Variants in CHAT observed in about 807,000 individuals in gnomAD.
CHAT encodes choline O-acetyltransferase.
Under a neutral mutation model 76.9 loss-of-function variants are expected in CHAT, and 61 were observed. That is an observed-to-expected ratio of 0.79 (90% CI 0.65 to 0.98). The LOEUF (loss-of-function observed/expected upper bound fraction) is 0.98, where lower values mean the gene tolerates loss of function less well. Ranked by LOEUF, CHAT falls within the 50% of genes least tolerant of loss-of-function variation. The probability of loss-of-function intolerance (pLI) is 0.00; values close to 1 mark genes in which losing one functional copy is unlikely to be tolerated. For missense variants in CHAT, 946 were observed against 986.9 expected (o/e 0.96, Z 0.56); for synonymous variants, 407 against 397.4 (o/e 1.02, Z -0.29).
chr10:49,619,657 G>T, intron 2 of CHAT, 68 bp from the exon 3 acceptor site: 1 of 1,496,476 alleles, frequency 6.7e-7, no homozygotes. Context: ...AGATACTAGG[G>T]ACCAACTTGG....
chr10:49,610,597 T>C (rs896327353), upstream of CHAT: 3 of 734,602 alleles, frequency 4.1e-6, no homozygotes. Context: ...CGCTGGGCCA[T>C]GAGCTCCGCG....
chr10:49,619,614 A>G lies in CHAT; in HGVS notation c.388-111A>G, dbSNP rs373271319. 17 of 1,069,124 alleles carry G rather than the reference A, an allele frequency of 1.6e-5. No individual in the cohort carries two copies. The African/African-American group carries it at 1.9e-4, about 12-fold the overall frequency. The allele number at this position is 1,069,124 out of a possible 1,614,324, so 66.2% of individuals were successfully genotyped here. Reference sequence around the variant, plus strand: ...TGAGCCCTAGAAATGGAGGGGTCCCAGGGTAGAGAACAACACAGGGGCAGA... The same window carrying G: ...TGAGCCCTAGAAATGGAGGGGTCCCGGGGTAGAGAACAACACAGGGGCAGA... On this transcript the variant is annotated intron_variant, in intron 2 of 14. Coordinates refer to ENST00000337653, the MANE Select transcript of CHAT (RefSeq NM_020549.5).
At chr10:49,637,914 G>A (rs1839349441) in intron 7 of CHAT, among the ~76,000 whole-genome samples, 1 of 152,128 alleles carries the variant, frequency 6.6e-6, no homozygotes, top group Non-Finnish European at 1.5e-5. Context: ...ATGGCCCTGG[G>A]TATAGTCTAT....
At chr10:49,648,084 G>A (rs1839740225) in intron 8 of CHAT, 1 of 248,474 alleles carries the variant, frequency 4.0e-6, no homozygotes, top group Admixed American at 5.1e-5. Context: ...GAGTTTCTTT[G>A]TAGAATGGGA....
At chr10:49,636,310 A>G (rs146880788) in intron 7 of CHAT, among the ~76,000 whole-genome samples, 280 of 152,264 alleles carry the variant, frequency 1.8e-3, no homozygotes, top group African/African-American at 4.6e-3. Context: ...GGTGGGCTAC[A>G]TTGATTGATT....
chr10:49,656,747 A>T (rs1012759448), intron 13 of CHAT, among the ~76,000 whole-genome samples: 4 of 152,170 alleles, frequency 2.6e-5, no homozygotes, highest in African/African-American at 9.7e-5. Flanking sequence ...ACTGGGTGGA[A>T]GAAGGACTGG....
intron 2 of CHAT, among the ~76,000 whole-genome samples, chr10:49,617,421 G>A (rs1308726962): frequency 6.6e-6 from 1 of 152,180 alleles, no homozygotes; most frequent in Non-Finnish European, 1.5e-5. Flanking sequence ...GAACTGCCCA[G>A]GAAACATGGA....
chr10:49,644,966 C>A lies in CHAT; in HGVS notation c.1112-1539C>A, dbSNP rs530561075. Among the ~76,000 whole-genome samples, 191 of 152,324 alleles carry A rather than the reference C, an allele frequency of 1.3e-3. 2 individuals are homozygous for A. The highest frequency in any genetic ancestry group is 4.5e-3 in the African/African-American group (187 of 41,572). On this transcript the variant is annotated intron_variant, in intron 7 of 14. Transcript: ENST00000337653. Reference sequence around the variant, plus strand: ...GAGCTCCCACCATTATATCTGTGATCCAGGCAGCAGGATGGAGGAAGGTGG... The same window carrying A: ...GAGCTCCCACCATTATATCTGTGATACAGGCAGCAGGATGGAGGAAGGTGG...
In CHAT at chr10:49,664,809, T is replaced by C; in HGVS notation, c.2010T>C (p.Tyr670=). The C allele has an allele frequency of 3.7e-6, 6 of 1,614,246 alleles. No individual in the cohort carries two copies. Among genetic ancestry groups the C allele is most frequent in the Non-Finnish European group, 4.2e-6 (5 of 1,180,048 alleles). The change falls in exon 15 of 15, where the codon TAT becomes TAC. Residue 670 remains tyrosine, a synonymous_variant. Coordinates refer to ENST00000337653, the MANE Select transcript of CHAT (RefSeq NM_020549.5). The part of the protein sequence containing the change: ...VPTTTEMFCC[Y]GPVVPNGYGA... Reference sequence around the variant, plus strand: ...CAACCACGGAGATGTTCTGCTGCTATGGTCCTGTGGTCCCAAATGGGTATG... The same window carrying C: ...CAACCACGGAGATGTTCTGCTGCTACGGTCCTGTGGTCCCAAATGGGTATG...
rs147042552 is a variant in CHAT, at chr10:49,665,900, A to AT, written c.*860dup. On this transcript the variant is annotated 3_prime_UTR_variant, in exon 15 of 15. Transcript: ENST00000337653. ...CCCTTCCCGGGGTCCTGCCATTTGCATTTTTTCTGCATCTTTTCCCCTCTC... is the reference window on the plus strand; with the variant it reads ...CCCTTCCCGGGGTCCTGCCATTTGCATTTTTTTCTGCATCTTTTCCCCTCTC... 6.6e-6 allele frequency among the ~76,000 whole-genome samples: 1 copy of AT among 151,892 alleles called. No homozygotes were observed. The highest frequency in any genetic ancestry group is 1.5e-5 in the Non-Finnish European group (1 of 67,996).
intron 2 of CHAT, among the ~76,000 whole-genome samples, chr10:49,617,284 C>A (rs1424958726): frequency 6.6e-6 from 1 of 152,070 alleles, no homozygotes; most frequent in Non-Finnish European, 1.5e-5. Flanking sequence ...CTGCAGCTGA[C>A]AAACATCTAT....
intron 7 of CHAT, among the ~76,000 whole-genome samples, chr10:49,633,819 C>A (rs1369263809): frequency 6.6e-6 from 1 of 152,166 alleles, no homozygotes. Flanking sequence ...AGATGCTTTT[C>A]GTTTACACAG....
intron 7 of CHAT, among the ~76,000 whole-genome samples, chr10:49,644,033 TG>T (rs1184565682): frequency 2.6e-5 from 4 of 152,186 alleles, no homozygotes; most frequent in Non-Finnish European, 5.9e-5. Flanking sequence ...GCTCAGGTGC[TG>T]TGTGAGGCTG....
intron 5 of CHAT, among the ~76,000 whole-genome samples, chr10:49,623,781 T>A (rs73319031): frequency 0.086 from 13,126 of 152,216 alleles, 1,871 homozygotes; most frequent in African/African-American, 0.3. Flanking sequence ...AAGTCACCTG[T>A]GCTTGTTCTG....
chr10:49,614,233 G>C lies in CHAT; in HGVS notation c.44G>C (p.Gly15Ala), dbSNP rs1230012561. The change falls in exon 1 of 15, where the codon GGG becomes GCG. Residue 15 changes from glycine to alanine, a missense_variant. Around this residue, in one of 3 missense-constraint regions of CHAT, gnomAD observed 548 missense variants for 516.2 expected, o/e 1.06. Transcript: ENST00000337653. ...TAKKRGLGGG[G>A]KWKREEGGGT... ...AAGAAGAGGGGGCTTGGGGGAGGGG[G>C]GAAATGGAAGAGAGAGGAGGGAGGA... The C allele has an allele frequency of 6.5e-7, 1 of 1,538,572 alleles. No homozygotes were observed. Among genetic ancestry groups the C allele is most frequent in the South Asian group, 1.2e-5 (1 of 83,566 alleles).
chr10:49,621,997 T>C (rs1364227753), intron 4 of CHAT, 100 bp from the exon 5 acceptor site: 6 of 1,328,116 alleles, frequency 4.5e-6, no homozygotes, highest in Admixed American at 1.8e-5. Context: ...AGGAAGGAGA[T>C]GGAAGGAAGA....
At chr10:49,614,525 G>T in intron 1 of CHAT, 50 bp downstream of exon 1, 1 of 1,504,892 alleles carries the variant, frequency 6.6e-7, no homozygotes, top group South Asian at 1.2e-5. Flanking sequence ...CCGGGAGCAA[G>T]GGCGGCGGTC....
chr10:49,636,560 C>G (rs77092395), intron 7 of CHAT, among the ~76,000 whole-genome samples: 5,154 of 152,224 alleles, frequency 0.034, 269 homozygotes, highest in African/African-American at 0.11. Flanking sequence ...GTTCCCTCCT[C>G]TTATATTTTC....
chr10:49,625,408 C>T lies in CHAT; in HGVS notation c.753-65C>T. The T allele has an allele frequency of 3.3e-6, 5 of 1,498,666 alleles. No individual in the cohort carries two copies. In the South Asian group the frequency reaches 3.5e-5, roughly 10 times the overall value. 92.8% of individuals were successfully genotyped at this position (1,498,666 alleles called of 1,614,324 possible). A position where few individuals can be genotyped will look rare whatever the true frequency, so the allele number is the denominator to read the frequency against. On this transcript the variant is annotated intron_variant, in intron 5 of 14. Transcript: ENST00000337653. Reference sequence around the variant, plus strand: ...TGATCAAGTTACAATAAAACCCATTCTCTGTCTCCCCTCACCACCCACCAT... The same window carrying T: ...TGATCAAGTTACAATAAAACCCATTTTCTGTCTCCCCTCACCACCCACCAT...
Sources: allele counts gnomAD v4.1 joint callset (sites outside exome capture counted in the v4.1 genomes callset), GRCh38; gene constraint gnomAD v4.1.1; regional missense constraint gnomAD v4.1.1; transcripts MANE v1.5; gene names NCBI Gene and HGNC (gene_info 2026-07-23, HGNC 2026-07-21).